Variants in COLQ observed in about 807,000 individuals in gnomAD.
COLQ encodes acetylcholinesterase collagenic tail peptide.
A neutral mutation model predicts 69.0 loss-of-function variants in COLQ; 48 were observed. That is an observed-to-expected ratio of 0.70 (90% CI 0.55 to 0.88). The LOEUF (loss-of-function observed/expected upper bound fraction) is 0.88, where lower values mean the gene tolerates loss of function less well. COLQ is among the 40% of genes least tolerant of loss of function. The pLI is 0.00. For missense variants in COLQ, 618 were observed against 594.6 expected (o/e 1.04, Z -0.41); for synonymous variants, 217 against 211.2 (o/e 1.03, Z -0.24).
chr3:15,481,432 G>A, intron 3 of COLQ, among the ~76,000 whole-genome samples: 1 of 152,166 alleles, frequency 6.6e-6, no homozygotes, highest in East Asian at 1.9e-4. Context: ...TTCTACATAT[G>A]GCTAGCCAGT....
At position 15,479,053 on chromosome 3, in the gene COLQ, C is replaced by T. The variant is rs56085664; in HGVS notation, c.367-50G>A. 66,753 of 1,611,578 alleles carry T rather than the reference C, an allele frequency of 0.041. 1,632 individuals are homozygous for T. Among genetic ancestry groups the T allele is most frequent in the Non-Finnish European group, 0.05 (58,659 of 1,177,746 alleles). On this transcript the variant is annotated intron_variant, in intron 4 of 16. Transcript: ENST00000383788. ...GAGAGGCTGCTTTGGAAGAGATGTTCTGGAAGCAGAAGCCTTAGTAGAGCT... is the reference window on the plus strand; with the variant it reads ...GAGAGGCTGCTTTGGAAGAGATGTTTTGGAAGCAGAAGCCTTAGTAGAGCT...
intron 1 of COLQ, among the ~76,000 whole-genome samples, chr3:15,510,216 T>C (rs2062966875): frequency 1.3e-5 from 2 of 151,438 alleles, no homozygotes; most frequent in Non-Finnish European, 2.9e-5. Context: ...GAATGAAACA[T>C]CCCAGGAGGA....
At chr3:15,482,190 T>C (rs1312629143) in intron 3 of COLQ, among the ~76,000 whole-genome samples, 9 of 152,226 alleles carry the variant, frequency 5.9e-5, no homozygotes, top group African/African-American at 9.6e-5. Context: ...CTTTTCCTAA[T>C]TGAATACCCT....
chr3:15,519,470 C>T (rs1283542706), intron 1 of COLQ, among the ~76,000 whole-genome samples: 1 of 152,244 alleles, frequency 6.6e-6, no homozygotes, highest in African/African-American at 2.4e-5. Context: ...GGCCCCTTCT[C>T]TAAGGCTCCA....
At position 15,473,952 on chromosome 3, in the gene COLQ, C is replaced by A; in HGVS notation, c.636+48G>T. 6.3e-7 allele frequency: 1 copy of A among 1,595,764 alleles called. No homozygotes were observed. The highest frequency in any genetic ancestry group is 8.6e-7 in the Non-Finnish European group (1 of 1,163,684). On this transcript the variant is annotated intron_variant, in intron 10 of 16. Transcript: ENST00000383788. The surrounding 1 kb of genome is among the most constrained non-coding windows in gnomAD (Gnocchi z 4.0). ...AGTTCTTTTTGTTGTGCTTGGAGGACCTGATATTTTTATTGAGGCCTATTT... is the reference window on the plus strand; with the variant it reads ...AGTTCTTTTTGTTGTGCTTGGAGGAACTGATATTTTTATTGAGGCCTATTT...
At chr3:15,462,260 C>T (rs372043326) in intron 12 of COLQ, among the ~76,000 whole-genome samples, 47 of 152,166 alleles carry the variant, frequency 3.1e-4, no homozygotes, top group African/African-American at 1.1e-3. Context: ...AAACTTCTGA[C>T]CTCAAGTGAT....
intron 9 of COLQ, 93 bp from the exon 10 acceptor site, chr3:15,474,128 G>T: frequency 1.3e-6 from 2 of 1,589,470 alleles, no homozygotes; most frequent in East Asian, 2.2e-5. Flanking sequence ...CAAGATGGAG[G>T]CCTGTCCATC....
intron 11 of COLQ, among the ~76,000 whole-genome samples, 155 bp downstream of exon 11, chr3:15,470,381 T>C (rs951781453): frequency 1.3e-5 from 2 of 152,174 alleles, no homozygotes; most frequent in Non-Finnish European, 2.9e-5. Context: ...GCCAGCAGCT[T>C]CTGGAAGTGG....
At chr3:15,478,343 T>C (rs1415530024) in intron 5 of COLQ, among the ~76,000 whole-genome samples, 1 of 152,218 alleles carries the variant, frequency 6.6e-6, no homozygotes, top group Non-Finnish European at 1.5e-5. Flanking sequence ...TATAGTAATT[T>C]ATATTTAGAG....
At chr3:15,504,442 T>G (rs948956489) in intron 1 of COLQ, among the ~76,000 whole-genome samples, 5 of 152,252 alleles carry the variant, frequency 3.3e-5, no homozygotes, top group Admixed American at 3.3e-4. Context: ...AACACATCCT[T>G]CGTGTCTCTT....
intron 5 of COLQ, among the ~76,000 whole-genome samples, chr3:15,477,859 G>C (rs762188180): frequency 6.6e-6 from 1 of 152,072 alleles, no homozygotes; most frequent in Admixed American, 6.5e-5. Flanking sequence ...GGTTCCTCCC[G>C]AGAGTGGTCC....
At chr3:15,519,335 A>C (rs540246635) in intron 1 of COLQ, among the ~76,000 whole-genome samples, 1 of 152,154 alleles carries the variant, frequency 6.6e-6, no homozygotes, top group Non-Finnish European at 1.5e-5. Context: ...TCTGGCTTCA[A>C]GTTGGGTTGG....
intron 12 of COLQ, among the ~76,000 whole-genome samples, chr3:15,460,125 G>A (rs1168023113): frequency 2.0e-5 from 3 of 152,112 alleles, no homozygotes; most frequent in African/African-American, 7.2e-5. Flanking sequence ...ACTTCTCTTT[G>A]TGATTCTATA....
chr3:15,507,204 T>A (rs2062923473), intron 1 of COLQ, among the ~76,000 whole-genome samples: 1 of 152,256 alleles, frequency 6.6e-6, no homozygotes, highest in African/African-American at 2.4e-5. Flanking sequence ...AAACATCTGC[T>A]GATGCAAACA....
chr3:15,451,881 T>C (rs1435916239), intron 16 of COLQ, among the ~76,000 whole-genome samples, 168 bp from the exon 17 acceptor site: 2 of 152,186 alleles, frequency 1.3e-5, no homozygotes, highest in Non-Finnish European at 2.9e-5. Context: ...CTGGGATTTT[T>C]GCCTTGAGGT....
chr3:15,498,615 C>T (rs1487753690), intron 1 of COLQ: 1 of 1,551,514 alleles, frequency 6.4e-7, no homozygotes, highest in Admixed American at 2.0e-5. Context: ...AGCGGACTGG[C>T]CAGGGAACAC....
chr3:15,498,403 G>A (rs2062780103), intron 1 of COLQ: 1 of 1,137,112 alleles, frequency 8.8e-7, no homozygotes, highest in South Asian at 1.7e-5. Context: ...AAATTTAAAG[G>A]CTGCTAAAAC....
intron 3 of COLQ, among the ~76,000 whole-genome samples, chr3:15,485,553 A>G (rs111756406): frequency 5.4e-4 from 82 of 152,298 alleles, no homozygotes; most frequent in African/African-American, 1.6e-3. Flanking sequence ...AAACTTATCC[A>G]AATAACAACA....
chr3:15,459,879 C>T (rs1420703207), intron 12 of COLQ, among the ~76,000 whole-genome samples: 1 of 151,964 alleles, frequency 6.6e-6, no homozygotes, highest in Admixed American at 6.6e-5. Context: ...ATGTGCTAGG[C>T]ATCCATATTT....
Sources: gnomAD v4.1 joint callset for allele counts (sites outside exome capture counted in the v4.1 genomes callset) on GRCh38, gnomAD v4.1.1 for gene constraint, Gnocchi (gnomAD v3.1) non-coding constraint, MANE v1.5 for transcripts, NCBI Gene and HGNC (gene_info 2026-07-23, HGNC 2026-07-21) for gene names.